The following CCDC170 variants were observed in gnomAD, a reference collection of about 807,000 sequenced individuals.
CCDC170 encodes coiled-coil domain-containing protein 170.
In CCDC170, 69 loss-of-function variants were observed where a neutral mutation model predicts 72.6. The observed-to-expected ratio is 0.95, with a 90% CI of 0.78 to 1.16. CCDC170 has a LOEUF of 1.16. Among genes scored for constraint, CCDC170 ranks in the 50% most tolerant of loss-of-function variants. CCDC170 has a pLI of 0.00. For synonymous variants in CCDC170, 300 were observed against 303.9 expected (o/e 0.99, Z 0.13); for missense variants, 852 against 832.5 (o/e 1.02, Z -0.29).
chr6:151,519,345 G>A (rs935402894), intron 1 of CCDC170, among the ~76,000 whole-genome samples: 1 of 152,110 alleles, frequency 6.6e-6, no homozygotes, highest in Non-Finnish European at 1.5e-5. Context: ...GAAAAATATG[G>A]CTCTATTCTG....
chr6:151,590,667 A>C (rs951040795), intron 7 of CCDC170, among the ~76,000 whole-genome samples: 1 of 152,234 alleles, frequency 6.6e-6, no homozygotes, highest in African/African-American at 2.4e-5. Context: ...CATTTCTATG[A>C]AGTTAAAAGT....
chr6:151,564,929 G>A (rs1188673664), intron 5 of CCDC170, among the ~76,000 whole-genome samples: 2 of 152,194 alleles, frequency 1.3e-5, no homozygotes, highest in African/African-American at 4.8e-5. Flanking sequence ...GGCGGTAGCT[G>A]CAGTGGGGCC....
intron 5 of CCDC170, among the ~76,000 whole-genome samples, chr6:151,562,811 G>A (rs576970201): frequency 2.6e-5 from 4 of 152,270 alleles, no homozygotes; most frequent in African/African-American, 9.6e-5. Context: ...TGCGTTTTGG[G>A]GGAGGAGTGG....
At chr6:151,527,571 G>A (rs1782429757) in intron 1 of CCDC170, among the ~76,000 whole-genome samples, 1 of 152,144 alleles carries the variant, frequency 6.6e-6, no homozygotes, top group Non-Finnish European at 1.5e-5. Flanking sequence ...CTGTAAATTA[G>A]GGAAGAAACT....
rs529810924 is a variant in CCDC170 at position 151,586,251 on chromosome 6, A to G, written c.1293+162A>G. Among the ~76,000 whole-genome samples the G allele has an allele frequency of 2.0e-5, 3 of 152,288 alleles. No individual in the cohort carries two copies. In the South Asian group the frequency reaches 6.2e-4, roughly 32 times the overall value. ...ATGGGTTTGGAGCTTCCTTGATTCAAATTAATTTAATTAAACTCAACGAGT... is the reference window on the plus strand; with the variant it reads ...ATGGGTTTGGAGCTTCCTTGATTCAGATTAATTTAATTAAACTCAACGAGT... On this transcript the variant is annotated intron_variant, in intron 7 of 10. Coordinates refer to ENST00000239374, the MANE Select transcript of CCDC170 (RefSeq NM_025059.4).
intron 2 of CCDC170, 78 bp from the exon 3 acceptor site, chr6:151,537,967 T>C: frequency 7.3e-7 from 1 of 1,367,710 alleles, no homozygotes. Context: ...ATTTAAATGA[T>C]GGCTTTGGGT....
intron 7 of CCDC170, among the ~76,000 whole-genome samples, chr6:151,591,256 T>C (rs1032503076): frequency 6.6e-6 from 1 of 152,120 alleles, no homozygotes; most frequent in Non-Finnish European, 1.5e-5. Context: ...GAAGAAAATA[T>C]CAAAGATAAA....
At chr6:151,599,064 A>G (rs1429458605) in intron 9 of CCDC170, among the ~76,000 whole-genome samples, 1 of 152,230 alleles carries the variant, frequency 6.6e-6, no homozygotes, top group Non-Finnish European at 1.5e-5. Flanking sequence ...CAGTGGTAAG[A>G]CAGCTAATAG....
chr6:151,599,925 G>A (rs912388488), intron 9 of CCDC170, among the ~76,000 whole-genome samples: 6 of 152,162 alleles, frequency 3.9e-5, no homozygotes, highest in South Asian at 4.2e-4. Flanking sequence ...GTTGGCTTGC[G>A]TATTTACTTG....
chr6:151,536,935 G>T (rs1734118688), intron 2 of CCDC170, among the ~76,000 whole-genome samples: 1 of 152,128 alleles, frequency 6.6e-6, no homozygotes, highest in African/African-American at 2.4e-5. Context: ...GCATTTGCCA[G>T]ATTGTAAAGC....
chr6:151,572,652 T>TTTTTTTTTTTTTTTTG (rs1776236544), intron 5 of CCDC170, among the ~76,000 whole-genome samples: 1 of 77,534 alleles, frequency 1.3e-5, no homozygotes, highest in African/African-American at 5.2e-5. Context: ...TCTCTGTGTT[T>TTTTTTTTTTTTTTTTG]TTTTTTTTTT....
At chr6:151,569,501 G>T (rs1583030801) in intron 5 of CCDC170, among the ~76,000 whole-genome samples, 1 of 152,138 alleles carries the variant, frequency 6.6e-6, no homozygotes, top group African/African-American at 2.4e-5. Context: ...AGTCTATAGG[G>T]CCTGCCCTCT....
At chr6:151,494,275 T>G (rs928213292) in intron 1 of CCDC170, 90 bp downstream of exon 1, 2 of 1,309,710 alleles carry the variant, frequency 1.5e-6, no homozygotes, top group Non-Finnish European at 2.0e-6. Flanking sequence ...TGCACCCTTT[T>G]CCTCCCGGAG....
intron 1 of CCDC170, among the ~76,000 whole-genome samples, chr6:151,497,949 T>C (rs1409087417): frequency 1.1e-5 from 1 of 90,502 alleles, no homozygotes; most frequent in East Asian, 3.7e-4. Flanking sequence ...GAACACACCA[T>C]CTCAAAAAAA....
chr6:151,533,754 CT>C (rs2115043582), intron 1 of CCDC170, among the ~76,000 whole-genome samples: 1 of 151,336 alleles, frequency 6.6e-6, no homozygotes, highest in Non-Finnish European at 1.5e-5. Context: ...TGTTAGCTGC[CT>C]TTTTGCCTTC....
intron 1 of CCDC170, among the ~76,000 whole-genome samples, chr6:151,515,925 G>A (rs1033128771): frequency 6.6e-6 from 1 of 152,058 alleles, no homozygotes; most frequent in Non-Finnish European, 1.5e-5. Context: ...AATTAGCTGG[G>A]TGTGGTGGCA....
In CCDC170 at chr6:151,538,164, A is replaced by G; in HGVS notation, c.306A>G (p.Arg102=). 6.2e-7 allele frequency: 1 copy of G among 1,614,102 alleles called. No homozygotes were observed. ...ARKSSLLTSL[R]DRVQELEEES... Reference sequence around the variant, plus strand: ...AATCATCTCTCCTTACCTCTTTGAGAGACAGAGTTCAGGAACTAGAAGAAG... The same window carrying G: ...AATCATCTCTCCTTACCTCTTTGAGGGACAGAGTTCAGGAACTAGAAGAAG... Residue 102 remains arginine (R), a synonymous_variant, in exon 3 of 11, where the codon AGA becomes AGG. Transcript: ENST00000239374.
intron 5 of CCDC170, among the ~76,000 whole-genome samples, chr6:151,559,058 G>A (rs1016948562): frequency 7.1e-6 from 1 of 140,602 alleles, no homozygotes; most frequent in Non-Finnish European, 1.5e-5. Flanking sequence ...TGTCTCCCAG[G>A]CTGGAGTGCA....
At chr6:151,550,209 G>A (rs918804235) in intron 5 of CCDC170, among the ~76,000 whole-genome samples, 6 of 152,132 alleles carry the variant, frequency 3.9e-5, no homozygotes. Flanking sequence ...GCAAAAACGA[G>A]CTTATACAAT....
Sources: allele counts gnomAD v4.1 joint callset (sites outside exome capture counted in the v4.1 genomes callset), GRCh38; gene constraint gnomAD v4.1.1; transcripts MANE v1.5; gene names NCBI Gene and HGNC (gene_info 2026-07-23, HGNC 2026-07-21).